The following CSMD1 variants were observed in gnomAD, a reference collection of about 807,000 sequenced individuals.
CSMD1 encodes the protein CUB and Sushi multiple domains 1.
CSMD1 carries 213 observed loss-of-function variants against 417.5 expected under a neutral mutation model. The ratio of observed to expected loss-of-function variants is 0.51; its 90% CI spans 0.46 to 0.57. The LOEUF is 0.57. CSMD1 is among the 20% of genes least tolerant of loss of function. The pLI is 0.00. For missense variants in CSMD1, 6,923 were observed against 4,529.7 expected, an observed-to-expected ratio of 1.53 and a Z score of -15.17; for synonymous variants, 2,862 against 1,736.8, an observed-to-expected ratio of 1.65 and a Z score of -16.11.
intron 62 of CSMD1, among the ~76,000 whole-genome samples, chr8:2,958,373 G>T (rs1020389695): frequency 6.6e-6 from 1 of 152,206 alleles, no homozygotes; most frequent in African/African-American, 2.4e-5. Context: ...ATCCGCTGCA[G>T]ATTCTTCTCT....
chr8:3,712,601 A>C (rs375010467), intron 6 of CSMD1, among the ~76,000 whole-genome samples: 4 of 152,346 alleles, frequency 2.6e-5, no homozygotes, highest in Admixed American at 6.5e-5. Flanking sequence ...GATTGATGAC[A>C]AAACATAGCT....
chr8:3,151,356 A>G, intron 40 of CSMD1, 41 bp downstream of exon 40: 1 of 1,306,540 alleles, frequency 7.7e-7, no homozygotes, highest in Non-Finnish European at 1.1e-6. Context: ...GATGGAAATG[A>G]AAAAAATGAA....
chr8:3,401,716 G>C (rs537233423), intron 15 of CSMD1, among the ~76,000 whole-genome samples: 1 of 151,938 alleles, frequency 6.6e-6, no homozygotes, highest in African/African-American at 2.4e-5. Context: ...AAGGTCTTAG[G>C]AAAGCAATCA....
At chr8:3,812,338 G>T (rs1025833883) in intron 5 of CSMD1, among the ~76,000 whole-genome samples, 2 of 152,164 alleles carry the variant, frequency 1.3e-5, no homozygotes, top group Non-Finnish European at 2.9e-5. Flanking sequence ...TGAGTCATGT[G>T]AATGACAATT....
intron 1 of CSMD1, among the ~76,000 whole-genome samples, chr8:4,927,049 T>C (rs1279093562): frequency 1.3e-5 from 2 of 151,062 alleles, no homozygotes; most frequent in African/African-American, 2.4e-5. Context: ...GCATTCCTTT[T>C]AATGAAAAAA....
At chr8:4,771,132 G>A (rs1796576443) in intron 1 of CSMD1, among the ~76,000 whole-genome samples, 1 of 152,164 alleles carries the variant, frequency 6.6e-6, no homozygotes, top group Non-Finnish European at 1.5e-5. Context: ...TAAAATTGGT[G>A]AAGATATGAT....
intron 1 of CSMD1, among the ~76,000 whole-genome samples, chr8:4,753,958 A>C (rs1360985784): frequency 6.6e-6 from 1 of 152,256 alleles, no homozygotes; most frequent in Non-Finnish European, 1.5e-5. Flanking sequence ...AATTTAAAAA[A>C]GCAAATGAAC....
rs891029038 is a variant in CSMD1, at chr8:3,019,836, G to C, written c.7856-1186C>G. Among the ~76,000 whole-genome samples the C allele has an allele frequency of 5.3e-5, 8 of 152,342 alleles. No homozygotes were observed. In the South Asian group the frequency reaches 1.7e-3, roughly 32 times the overall value. On this transcript the variant is annotated intron_variant, in intron 51 of 69. Transcript: ENST00000635120. ...GAGCACAGAAGATCATGGCCTCTCA[G>C]GGGAGGGAGGAACTCACAAGGTTAT...
At chr8:4,633,269 T>C (rs964282143) in intron 2 of CSMD1, among the ~76,000 whole-genome samples, 3 of 152,030 alleles carry the variant, frequency 2.0e-5, no homozygotes, top group South Asian at 4.1e-4. Flanking sequence ...TTTTTTTTGA[T>C]GGAGTTTCAG....
At chr8:3,293,653 C>T (rs2165653) in intron 25 of CSMD1, among the ~76,000 whole-genome samples, 75,040 of 152,040 alleles carry the variant, frequency 0.49, 20,870 homozygotes, top group South Asian at 0.63. Flanking sequence ...TCACGTAGTC[C>T]TCGTGCCTTG....
chr8:3,049,190 A>G (rs1420564826), intron 50 of CSMD1, among the ~76,000 whole-genome samples: 1 of 152,168 alleles, frequency 6.6e-6, no homozygotes, highest in African/African-American at 2.4e-5. Context: ...TTAAAAAACT[A>G]AAAATACTCT....
chr8:4,194,313 G>C (rs1243511164), intron 3 of CSMD1, among the ~76,000 whole-genome samples: 1 of 152,068 alleles, frequency 6.6e-6, no homozygotes, highest in Non-Finnish European at 1.5e-5. Flanking sequence ...CATTCCTATA[G>C]GATGGGATTT....
intron 5 of CSMD1, among the ~76,000 whole-genome samples, chr8:3,862,362 T>C (rs952932541): frequency 1.3e-5 from 2 of 151,816 alleles, no homozygotes; most frequent in African/African-American, 2.4e-5. Context: ...TTCCTCAGAT[T>C]TATCCTCTGA....
At chr8:4,106,168 C>T (rs955382620) in intron 3 of CSMD1, among the ~76,000 whole-genome samples, 16 of 152,032 alleles carry the variant, frequency 1.1e-4, no homozygotes, top group African/African-American at 3.9e-4. Context: ...TACAGACCAG[C>T]GTCTGTGCCT....
intron 25 of CSMD1, among the ~76,000 whole-genome samples, chr8:3,290,265 C>T (rs1261007165): frequency 2.7e-5 from 4 of 147,092 alleles, no homozygotes; most frequent in African/African-American, 1.1e-4. Flanking sequence ...TAGCGTGATG[C>T]CTCCAGCTTT....
At position 4,325,840 on chromosome 8, in the gene CSMD1, C is replaced by G. The variant is rs183389419; in HGVS notation, c.415+94113G>C. Among the ~76,000 whole-genome samples, 149 of 152,232 alleles carry G rather than the reference C, an allele frequency of 9.8e-4. 1 individual carries two copies. The highest frequency in any genetic ancestry group is 3.4e-3 in the Middle Eastern group (1 of 292). The stretch of plus-strand genomic sequence containing the variant: ...GAGAACGACTGTAGATTAACAAAAG[C>G]TTATTCCACCTGATGGCTGGAATTG... On this transcript the variant is annotated intron_variant, in intron 3 of 69. Coordinates refer to ENST00000635120, the MANE Select transcript of CSMD1 (RefSeq NM_033225.6).
At chr8:4,750,710 T>A (rs1331823658) in intron 1 of CSMD1, among the ~76,000 whole-genome samples, 1 of 149,198 alleles carries the variant, frequency 6.7e-6, no homozygotes, top group South Asian at 2.1e-4. Context: ...AGTTTCCCAA[T>A]AGAAACTTGA....
intron 50 of CSMD1, 40 bp downstream of exon 50, chr8:3,052,422 C>G (rs746122878): frequency 1.3e-6 from 2 of 1,518,496 alleles, no homozygotes; most frequent in Non-Finnish European, 1.8e-6. Flanking sequence ...CAGTTCCCAC[C>G]TAAACCCACA....
intron 30 of CSMD1, among the ~76,000 whole-genome samples, chr8:3,206,627 G>T (rs1422000016): frequency 7.7e-6 from 1 of 129,640 alleles, no homozygotes; most frequent in African/African-American, 3.0e-5. Flanking sequence ...TGTGTGTGGG[G>T]TTATGTCTGT....
Sources: gnomAD v4.1 joint callset for allele counts (sites outside exome capture counted in the v4.1 genomes callset) on GRCh38, gnomAD v4.1.1 for gene constraint, MANE v1.5 for transcripts, NCBI Gene and HGNC (gene_info 2026-07-23, HGNC 2026-07-21) for gene names.